Variants in PARD6B observed in about 807,000 individuals in gnomAD.
PARD6B encodes the protein partitioning defective 6 homolog beta.
In PARD6B, 4 loss-of-function variants were observed where a neutral mutation model predicts 10.5. That is an observed-to-expected ratio of 0.38 (90% CI 0.19 to 0.87). PARD6B has a LOEUF of 0.87. PARD6B is among the 40% of genes least tolerant of loss of function. The pLI, the probability that PARD6B is intolerant of heterozygous loss-of-function variation, is 0.41. For missense variants in PARD6B, 396 were observed against 470.6 expected (o/e 0.84, Z 1.47); for synonymous variants, 169 against 170.4 (o/e 0.99, Z 0.07).
chr20:50,733,661 C>T (rs2087484519), intron 1 of PARD6B, among the ~76,000 whole-genome samples: 1 of 152,114 alleles, frequency 6.6e-6, no homozygotes, highest in Non-Finnish European at 1.5e-5. Flanking sequence ...GTAGAGGTTC[C>T]ATGCCCAGTG....
At chr20:50,742,219 T>A (rs2087534681) in intron 2 of PARD6B, among the ~76,000 whole-genome samples, 1 of 152,102 alleles carries the variant, frequency 6.6e-6, no homozygotes, top group African/African-American at 2.4e-5. Flanking sequence ...AATTTTTGTA[T>A]TTTTAGTAGA....
chr20:50,733,015 C>T (rs568943663), intron 1 of PARD6B, among the ~76,000 whole-genome samples: 54 of 152,096 alleles, frequency 3.6e-4, no homozygotes, highest in Non-Finnish European at 7.2e-4. Context: ...CTTCCTAGAG[C>T]CTCTAGGTAG....
chr20:50,737,785 G>T, intron 1 of PARD6B, 72 bp from the exon 2 acceptor site: 10 of 975,844 alleles, frequency 1.0e-5, no homozygotes, highest in South Asian at 3.9e-5. Context: ...ATTTTTCTAT[G>T]GCATGCATTT....
In PARD6B at chr20:50,753,074, TC is replaced by T. The variant is rs201988460; in HGVS notation, c.*2587del. On this transcript the variant is annotated 3_prime_UTR_variant, in exon 3 of 3. Transcript: ENST00000371610. Reference sequence around the variant, plus strand: ...AAAATATTTTTACACACTACCTCTCTCTTTTTTTTTTTAAAGTTTTAACATC... The same window carrying T: ...AAAATATTTTTACACACTACCTCTCTTTTTTTTTTTTAAAGTTTTAACATC... 1.5e-3 allele frequency: 1,327 copies of T among 894,060 alleles called. No homozygotes were observed. Among genetic ancestry groups the T allele is most frequent in the African/African-American group, 5.6e-3 (292 of 52,298 alleles). 55.4% of individuals were successfully genotyped at this position (894,060 alleles called of 1,614,324 possible). A position where few individuals can be genotyped will look rare whatever the true frequency, so the allele number is the denominator to read the frequency against.
intron 2 of PARD6B, among the ~76,000 whole-genome samples, chr20:50,749,406 GA>G (rs2087587261): frequency 6.6e-6 from 1 of 152,052 alleles, no homozygotes; most frequent in African/African-American, 2.4e-5. Context: ...GTTTAAAAGT[GA>G]ATGAGCTCTA....
At chr20:50,743,455 T>A (rs2087542193) in intron 2 of PARD6B, among the ~76,000 whole-genome samples, 1 of 152,246 alleles carries the variant, frequency 6.6e-6, no homozygotes, top group Admixed American at 6.5e-5. Flanking sequence ...ACTGGGCATC[T>A]AAATCATCTC....
Position 50,750,397 on chromosome 20 carries a change from C to G in PARD6B, c.1028C>G (p.Ala343Gly). The G allele has an allele frequency of 6.2e-7, 1 of 1,614,150 alleles. No homozygotes were observed. The highest frequency in any genetic ancestry group is 8.5e-7 in the Non-Finnish European group (1 of 1,180,024). ...ATTCCCTCTAATGAAGTGAGCTTAG[C>G]AGCCATAGCAAGCAGCTCAAACACG... is the stretch of plus-strand genomic sequence containing the variant. ...GFIPSNEVSLAAIASSSNTEF... is the reference protein window; with the variant it reads ...GFIPSNEVSLGAIASSSNTEF... Residue 343 changes from alanine (A) to glycine (G), a missense_variant, in exon 3 of 3, where the codon GCA becomes GGA. Physicochemically the swap from Ala to Gly is moderately conservative, Grantham distance 60. This residue lies in a region of PARD6B where 188 missense variants were observed against 169.7 expected (regional missense o/e 1.11). Transcript: ENST00000371610.
intron 1 of PARD6B, 112 bp downstream of exon 1, chr20:50,731,964 T>A: frequency 1.1e-6 from 1 of 920,670 alleles, no homozygotes; most frequent in Non-Finnish European, 1.4e-6. Flanking sequence ...TGCCCCGGGG[T>A]CTGGACGGTG....
chr20:50,737,634 C>T (rs1226296727), intron 1 of PARD6B, among the ~76,000 whole-genome samples: 1 of 152,122 alleles, frequency 6.6e-6, no homozygotes, highest in Non-Finnish European at 1.5e-5. Context: ...GCCTGCCTCT[C>T]TTGAAAGGAA....
At chr20:50,743,714 G>A (rs866916215) in intron 2 of PARD6B, among the ~76,000 whole-genome samples, 3 of 151,782 alleles carry the variant, frequency 2.0e-5, no homozygotes, top group South Asian at 2.1e-4. Context: ...TGGTGAAACC[G>A]TGTCTCTACT....
At chr20:50,732,691 G>A (rs2087478222) in intron 1 of PARD6B, among the ~76,000 whole-genome samples, 1 of 152,158 alleles carries the variant, frequency 6.6e-6, no homozygotes, top group Admixed American at 6.5e-5. Context: ...GTTAAAAGGA[G>A]CTTAGATAAT....
intron 1 of PARD6B, among the ~76,000 whole-genome samples, chr20:50,736,687 G>C (rs1168709330): frequency 1.3e-5 from 2 of 150,834 alleles, no homozygotes; most frequent in Non-Finnish European, 3.0e-5. Flanking sequence ...CCAGTCCTTA[G>C]TGTTTTGGTT....
At chr20:50,736,185 G>A (rs2087498426) in intron 1 of PARD6B, among the ~76,000 whole-genome samples, 1 of 152,166 alleles carries the variant, frequency 6.6e-6, no homozygotes, top group African/African-American at 2.4e-5. Flanking sequence ...GAGGAGTATG[G>A]GTGTAAGCAG....
intron 2 of PARD6B, among the ~76,000 whole-genome samples, chr20:50,745,598 C>G (rs933310044): frequency 6.6e-5 from 10 of 152,140 alleles, no homozygotes; most frequent in Non-Finnish European, 1.3e-4. Context: ...CTCTCAGGCT[C>G]AAGTGATCCT....
In PARD6B at chr20:50,750,917, G is replaced by A. The variant is rs1357212876; in HGVS notation, c.*429G>A. The A allele has an allele frequency of 2.1e-6, 2 of 947,858 alleles. No individual in the cohort carries two copies. The highest frequency in any genetic ancestry group is 2.5e-6 in the Non-Finnish European group (2 of 802,318). The allele number at this position is 947,858 out of a possible 1,614,324, so 58.7% of individuals were successfully genotyped here. A position where few individuals can be genotyped will look rare whatever the true frequency, so the allele number is the denominator to read the frequency against. On this transcript the variant is annotated 3_prime_UTR_variant, in exon 3 of 3. Transcript: ENST00000371610. ...CTCTTGTGGTACATTGGGGACCTCA[G>A]CTCTTAAAGGTCTCATGTTCCCAAT...
chr20:50,746,182 C>T (rs1230206630), intron 2 of PARD6B, among the ~76,000 whole-genome samples: 2 of 152,032 alleles, frequency 1.3e-5, no homozygotes, highest in African/African-American at 2.4e-5. Context: ...GTTTATGACC[C>T]TCTATGAGCA....
In PARD6B at chr20:50,752,425, G is replaced by T. The variant is rs2087618525; in HGVS notation, c.*1937G>T. On this transcript the variant is annotated 3_prime_UTR_variant, in exon 3 of 3. Transcript: ENST00000371610. ...ACATAGTATTCACCTGTGACAGGTA[G>T]AGTTTATCACTATTAATTTTATGAG... 1 of 985,556 alleles carries T rather than the reference G, an allele frequency of 1.0e-6. No homozygotes were observed. Among genetic ancestry groups the T allele is most frequent in the Non-Finnish European group, 1.2e-6 (1 of 829,840 alleles). 61.1% of individuals were successfully genotyped at this position (985,556 alleles called of 1,614,324 possible).
chr20:50,746,418 C>A (rs2087568040), intron 2 of PARD6B, among the ~76,000 whole-genome samples: 1 of 152,176 alleles, frequency 6.6e-6, no homozygotes, highest in Non-Finnish European at 1.5e-5. Context: ...CTGTATCAGC[C>A]CATATCATGT....
chr20:50,750,260 C>G lies in PARD6B; in HGVS notation c.891C>G (p.Ile297Met), dbSNP rs151301407. The G allele has an allele frequency of 4.3e-6, 7 of 1,614,104 alleles. No individual in the cohort carries two copies. The highest frequency in any genetic ancestry group is 5.9e-6 in the Non-Finnish European group (7 of 1,180,050). ...AAGACAGCGAAGAAGATGACATTAT[C>G]ATTGAAGACAATGGAGTGCCACAGC... is the stretch of plus-strand genomic sequence containing the variant. Reference protein sequence around the residue: ...EDEDSEEDDIIIEDNGVPQQI... With the variant: ...EDEDSEEDDIMIEDNGVPQQI... The change falls in exon 3 of 3, where the codon ATC (isoleucine) becomes ATG (methionine). Residue 297 changes from isoleucine (I) to methionine (M), a missense_variant. Ile to Met is a conservative substitution (Grantham distance 10). Coordinates refer to ENST00000371610, the MANE Select transcript of PARD6B (RefSeq NM_032521.3).
Sources: allele counts gnomAD v4.1 joint callset (sites outside exome capture counted in the v4.1 genomes callset), GRCh38; gene constraint gnomAD v4.1.1; regional missense constraint gnomAD v4.1.1; transcripts MANE v1.5; gene names NCBI Gene and HGNC (gene_info 2026-07-23, HGNC 2026-07-21).